Variants in CSMD1 observed in about 807,000 individuals in gnomAD.
CSMD1 encodes the protein CUB and sushi domain-containing protein 1.
In CSMD1, 213 loss-of-function variants were observed where a neutral mutation model predicts 417.5. The ratio of observed to expected loss-of-function variants is 0.51; its 90% CI spans 0.46 to 0.57. The LOEUF (loss-of-function observed/expected upper bound fraction) is 0.57. Ranked by LOEUF, CSMD1 falls within the 20% of genes least tolerant of loss-of-function variation. The pLI is 0.00. For synonymous variants in CSMD1, 2,862 were observed against 1,736.8 expected (o/e 1.65, Z -16.11); for missense variants, 6,923 against 4,529.7 (o/e 1.53, Z -15.17).
intron 4 of CSMD1, among the ~76,000 whole-genome samples, chr8:4,002,713 A>G (rs891019325): frequency 2.0e-5 from 3 of 152,234 alleles, no homozygotes; most frequent in African/African-American, 4.8e-5. Flanking sequence ...CAAGGACCCA[A>G]TATGATTAAA....
intron 1 of CSMD1, among the ~76,000 whole-genome samples, chr8:4,715,029 G>C (rs566723057): frequency 6.6e-6 from 1 of 152,120 alleles, no homozygotes; most frequent in South Asian, 2.1e-4. Context: ...AACATTTCAA[G>C]CATTTTTTTA....
At chr8:2,987,708 G>C (rs1018455828) in intron 54 of CSMD1, among the ~76,000 whole-genome samples, 1 of 152,228 alleles carries the variant, frequency 6.6e-6, no homozygotes, top group African/African-American at 2.4e-5. Context: ...GAGTGATGCG[G>C]GTTCATCACC....
intron 41 of CSMD1, among the ~76,000 whole-genome samples, chr8:3,141,652 C>G (rs970406152): frequency 6.6e-6 from 1 of 152,100 alleles, no homozygotes; most frequent in Non-Finnish European, 1.5e-5. Context: ...CTGACACCAC[C>G]CAAACCGGTA....
chr8:3,538,454 G>C (rs1207418362), intron 10 of CSMD1, among the ~76,000 whole-genome samples: 2 of 152,080 alleles, frequency 1.3e-5, no homozygotes, highest in Non-Finnish European at 2.9e-5. Flanking sequence ...TGATGCACCT[G>C]AGATGCCTCA....
intron 2 of CSMD1, among the ~76,000 whole-genome samples, chr8:4,483,075 G>A (rs1161449439): frequency 1.3e-5 from 2 of 152,164 alleles, no homozygotes; most frequent in African/African-American, 2.4e-5. Flanking sequence ...CCCATGTGTT[G>A]TGGGAGATAA....
chr8:3,022,775 G>C (rs1261948190), intron 51 of CSMD1, among the ~76,000 whole-genome samples: 1 of 151,778 alleles, frequency 6.6e-6, no homozygotes, highest in East Asian at 1.9e-4. Flanking sequence ...TCTTTAATAT[G>C]AATAAAAGGC....
At chr8:4,562,351 G>C (rs1204586076) in intron 2 of CSMD1, among the ~76,000 whole-genome samples, 1 of 152,134 alleles carries the variant, frequency 6.6e-6, no homozygotes, top group Non-Finnish European at 1.5e-5. Flanking sequence ...AATGGAAGAA[G>C]TGGCACACCA....
intron 11 of CSMD1, among the ~76,000 whole-genome samples, chr8:3,479,966 T>C (rs1209728348): frequency 3.9e-5 from 6 of 152,178 alleles, no homozygotes; most frequent in Non-Finnish European, 8.8e-5. Context: ...AATAGCTAGA[T>C]TTGCTTAATA....
chr8:4,821,897 T>C (rs1799544952), intron 1 of CSMD1, among the ~76,000 whole-genome samples: 1 of 152,188 alleles, frequency 6.6e-6, no homozygotes, highest in South Asian at 2.1e-4. Context: ...CTGTAAAATG[T>C]GTGTAATCAC....
chr8:4,362,216 G>C (rs889895470), intron 3 of CSMD1, among the ~76,000 whole-genome samples: 2 of 152,134 alleles, frequency 1.3e-5, no homozygotes, highest in African/African-American at 4.8e-5. Context: ...AAAGGATCCT[G>C]GGAGATTTTA....
At chr8:3,356,146 T>A (rs931227159) in intron 21 of CSMD1, among the ~76,000 whole-genome samples, 1 of 152,252 alleles carries the variant, frequency 6.6e-6, no homozygotes, top group South Asian at 2.1e-4. Flanking sequence ...TCAGTCGACA[T>A]CCTTAGGTGT....
intron 3 of CSMD1, among the ~76,000 whole-genome samples, chr8:4,258,592 A>C (rs995296438): frequency 1.3e-5 from 2 of 151,688 alleles, no homozygotes; most frequent in Non-Finnish European, 2.9e-5. Flanking sequence ...GGAGGGATGG[A>C]GGGAACCCTT....
At chr8:4,046,942 C>G (rs1275029370) in intron 3 of CSMD1, among the ~76,000 whole-genome samples, 2 of 152,124 alleles carry the variant, frequency 1.3e-5, no homozygotes, top group East Asian at 1.9e-4. Context: ...AACTTGAGTC[C>G]TAACTCCACC....
At chr8:4,594,637 T>C (rs1207921590) in intron 2 of CSMD1, among the ~76,000 whole-genome samples, 1 of 152,198 alleles carries the variant, frequency 6.6e-6, no homozygotes, top group African/African-American at 2.4e-5. Flanking sequence ...GAACCTGGTC[T>C]TTCAACTTCA....
chr8:4,118,636 T>A (rs770609768), intron 3 of CSMD1, among the ~76,000 whole-genome samples: 21 of 152,196 alleles, frequency 1.4e-4, no homozygotes, highest in South Asian at 6.2e-4. Context: ...CATTTTACAC[T>A]GTTGATGGGT....
Position 3,157,740 on chromosome 8 carries a change from C to T in CSMD1, c.5914+157G>A, listed in dbSNP as rs139366523. Among the ~76,000 whole-genome samples, 127 of 152,300 alleles carry T rather than the reference C, an allele frequency of 8.3e-4. 1 individual carries two copies. The South Asian group carries it at 0.025, about 30-fold the overall frequency. Reference sequence around the variant, plus strand: ...TCCAGTGGGGAAGGTGCAGGTTAAACGCATCATTCTGCTCTACTGCATTAT... The same window carrying T: ...TCCAGTGGGGAAGGTGCAGGTTAAATGCATCATTCTGCTCTACTGCATTAT... On this transcript the variant is annotated intron_variant, in intron 39 of 69. Coordinates refer to ENST00000635120, the MANE Select transcript of CSMD1 (RefSeq NM_033225.6).
intron 5 of CSMD1, among the ~76,000 whole-genome samples, chr8:3,762,415 G>A (rs1428969771): frequency 6.6e-6 from 1 of 152,172 alleles, no homozygotes; most frequent in Non-Finnish European, 1.5e-5. Flanking sequence ...GCCCTCTCCT[G>A]ACACGCCAGA....
chr8:4,707,299 G>T (rs1584974127), intron 1 of CSMD1, among the ~76,000 whole-genome samples: 1 of 152,162 alleles, frequency 6.6e-6, no homozygotes, highest in South Asian at 2.1e-4. Flanking sequence ...GGAAATTGAA[G>T]CTTGGAGAAG....
intron 25 of CSMD1, among the ~76,000 whole-genome samples, chr8:3,302,803 G>A (rs555463168): frequency 3.3e-5 from 5 of 152,314 alleles, no homozygotes; most frequent in African/African-American, 1.2e-4. Flanking sequence ...TACCATGGCA[G>A]CTGAAATGTG....
Sources: gnomAD v4.1 joint callset for allele counts (sites outside exome capture counted in the v4.1 genomes callset) on GRCh38, gnomAD v4.1.1 for gene constraint, MANE v1.5 for transcripts, NCBI Gene and HGNC (gene_info 2026-07-23, HGNC 2026-07-21) for gene names.